Variants in PRR16 observed in about 807,000 individuals in gnomAD.
The protein encoded by PRR16 is proline rich 16.
A neutral mutation model predicts 18.2 loss-of-function variants in PRR16; 6 were observed. The observed-to-expected ratio is 0.33, with a 90% CI of 0.18 to 0.65. The LOEUF is 0.65. Ranked by LOEUF, PRR16 falls within the 30% of genes least tolerant of loss-of-function variation. PRR16 has a pLI of 0.74. For synonymous variants in PRR16, 151 were observed against 147.8 expected, an observed-to-expected ratio of 1.02 and a Z score of -0.16; for missense variants, 412 against 376.6, an observed-to-expected ratio of 1.09 and a Z score of -0.78.
At chr5:120,481,130 A>C in intron 1 of PRR16, 1 of 1,163,920 alleles carries the variant, frequency 8.6e-7, no homozygotes, top group Non-Finnish European at 1.1e-6. Context: ...TACTTTACCA[A>C]TGTTTTAAAA....
At chr5:120,679,633 A>G (rs1300891179) in intron 1 of PRR16, among the ~76,000 whole-genome samples, 1 of 152,146 alleles carries the variant, frequency 6.6e-6, no homozygotes, top group Admixed American at 6.5e-5. Flanking sequence ...TTCTAAATAT[A>G]TTTAGCTAAT....
chr5:120,720,328 A>G, the PRR16 span, among the ~76,000 whole-genome samples: 1 of 151,814 alleles, frequency 6.6e-6, no homozygotes, highest in Non-Finnish European at 1.5e-5. Context: ...TTTTCCACCA[A>G]AATTAAGGTT....
chr5:120,651,472 T>G (rs1176188578), intron 1 of PRR16, among the ~76,000 whole-genome samples: 1 of 152,208 alleles, frequency 6.6e-6, no homozygotes, highest in South Asian at 2.1e-4. Flanking sequence ...GTCTAACATT[T>G]AAGTCTTTAA....
the PRR16 span, among the ~76,000 whole-genome samples, chr5:120,714,393 C>CT: frequency 6.6e-6 from 1 of 152,106 alleles, no homozygotes; most frequent in African/African-American, 2.4e-5. Context: ...AGTGACAACT[C>CT]TGTTTAAATT....
At chr5:120,698,240 G>A in the PRR16 span, among the ~76,000 whole-genome samples, 1 of 151,982 alleles carries the variant, frequency 6.6e-6, no homozygotes, top group Non-Finnish European at 1.5e-5. Flanking sequence ...GGGTGATACT[G>A]TGGGGTCGTT....
chr5:120,766,597 CT>C, the PRR16 span, among the ~76,000 whole-genome samples: 2 of 151,982 alleles, frequency 1.3e-5, no homozygotes. Flanking sequence ...GCTTAATTCC[CT>C]CTTAAGTGAA....
chr5:120,654,845 G>GA (rs1328579565), intron 1 of PRR16, among the ~76,000 whole-genome samples: 2 of 151,108 alleles, frequency 1.3e-5, no homozygotes, highest in Admixed American at 6.6e-5. Context: ...AAAAATGAGG[G>GA]AAAAAAAGAT....
chr5:120,511,522 C>T (rs1394925408), intron 1 of PRR16, among the ~76,000 whole-genome samples: 1 of 152,150 alleles, frequency 6.6e-6, no homozygotes, highest in African/African-American at 2.4e-5. Flanking sequence ...ATTTAATTTT[C>T]AGAGGGAAAG....
intron 1 of PRR16, among the ~76,000 whole-genome samples, chr5:120,486,811 A>G (rs1365212400): frequency 6.6e-6 from 1 of 152,104 alleles, no homozygotes; most frequent in Admixed American, 6.6e-5. Flanking sequence ...TCCATCTCGA[A>G]TTAATTTTTG....
At chr5:120,666,471 C>A (rs1459828873) in intron 1 of PRR16, among the ~76,000 whole-genome samples, 1 of 151,122 alleles carries the variant, frequency 6.6e-6, no homozygotes, top group Non-Finnish European at 1.5e-5. Flanking sequence ...GCCTAATTGC[C>A]CTGGCCAGAA....
At chr5:120,592,318 T>A (rs1311619405) in intron 1 of PRR16, among the ~76,000 whole-genome samples, 3 of 152,276 alleles carry the variant, frequency 2.0e-5, no homozygotes, top group African/African-American at 4.8e-5. Context: ...GCAGAATAAC[T>A]CTTGTCGTAG....
chr5:120,560,086 G>C (rs1752529779), intron 1 of PRR16, among the ~76,000 whole-genome samples: 1 of 151,820 alleles, frequency 6.6e-6, no homozygotes, highest in Admixed American at 6.6e-5. Context: ...TACAAACATG[G>C]ATAATTTGGT....
At chr5:120,658,345 TGG>T (rs780776239) in intron 1 of PRR16, 2 of 65,184 alleles carry the variant, frequency 3.1e-5, no homozygotes, top group East Asian at 1.5e-3. Flanking sequence ...TTCCCATGAG[TGG>T]GGGAAAAAAA....
At chr5:120,794,132 C>A in the PRR16 span, among the ~76,000 whole-genome samples, 1 of 152,038 alleles carries the variant, frequency 6.6e-6, no homozygotes, top group Non-Finnish European at 1.5e-5. Context: ...TCTCACTCAT[C>A]AACAGGAAAG....
chr5:120,529,737 G>A (rs771626200), intron 1 of PRR16, among the ~76,000 whole-genome samples: 3 of 152,132 alleles, frequency 2.0e-5, no homozygotes, highest in African/African-American at 4.8e-5. Flanking sequence ...AGTAGTGACT[G>A]TGAGTCTAAG....
intron 1 of PRR16, among the ~76,000 whole-genome samples, chr5:120,674,812 G>T (rs528042557): frequency 6.6e-6 from 1 of 150,752 alleles, no homozygotes; most frequent in African/African-American, 2.4e-5. Flanking sequence ...CTTTTTTCTT[G>T]TATTTTTAAA....
At chr5:120,791,574 G>T in the PRR16 span, among the ~76,000 whole-genome samples, 1 of 137,090 alleles carries the variant, frequency 7.3e-6, no homozygotes, top group Non-Finnish European at 1.6e-5. Flanking sequence ...AGTCTGCTAA[G>T]AACTTCTATC....
intron 1 of PRR16, among the ~76,000 whole-genome samples, chr5:120,650,812 G>C (rs1755756608): frequency 6.6e-6 from 1 of 152,092 alleles, no homozygotes; most frequent in Non-Finnish European, 1.5e-5. Context: ...CTTTATAGCA[G>C]CATGATTTAT....
chr5:120,648,529 A>G (rs1396504124), intron 1 of PRR16, among the ~76,000 whole-genome samples: 6 of 152,088 alleles, frequency 3.9e-5, no homozygotes, highest in African/African-American at 1.4e-4. Context: ...TTGGAGTAAC[A>G]TTATTTTTCT....
Sources: gnomAD v4.1 joint callset for allele counts (sites outside exome capture counted in the v4.1 genomes callset) on GRCh38, gnomAD v4.1.1 for gene constraint, MANE v1.5 for transcripts, NCBI Gene and HGNC (gene_info 2026-07-23, HGNC 2026-07-21) for gene names.